Variants in SHC1 observed in about 807,000 individuals in gnomAD.
SHC1 encodes the protein SHC-transforming protein 1.
A neutral mutation model predicts 55.9 loss-of-function variants in SHC1; 30 were observed. That is an observed-to-expected ratio of 0.54 (90% CI 0.40 to 0.73). SHC1 has a LOEUF of 0.73. Among genes scored for constraint, SHC1 ranks in the 30% least tolerant of loss-of-function variants. The pLI, the probability that SHC1 is intolerant of heterozygous loss-of-function variation, is 0.00. For synonymous variants in SHC1, 309 were observed against 306.1 expected, an observed-to-expected ratio of 1.01 and a Z score of -0.10; for missense variants, 675 against 777.1, an observed-to-expected ratio of 0.87 and a Z score of 1.56.
In SHC1 at chr1:154,968,011, G is replaced by A; in HGVS notation, c.825C>T (p.Ala275=). The change falls in exon 6 of 12, where the codon GCC becomes GCT. Residue 275 remains alanine (A), a synonymous_variant. Coordinates refer to ENST00000448116, the MANE Select transcript of SHC1 (RefSeq NM_001130040.2). ...GATTCACAGGGTCTTTGGCAACATA[G>A]GCGACATACTCGGCTGTGTCCTGGG... The part of the protein sequence containing the change: ...GGDPDTAEYV[A]YVAKDPVNQR... The A allele has an allele frequency of 6.2e-7, 1 of 1,614,162 alleles. No homozygotes were observed. Among genetic ancestry groups the A allele is most frequent in the Non-Finnish European group, 8.5e-7 (1 of 1,180,010 alleles).
At chr1:154,964,514 GTC>G in intron 11 of SHC1, 2 of 355,344 alleles carry the variant, frequency 5.6e-6, no homozygotes, top group Non-Finnish European at 1.1e-5. Flanking sequence ...TCCAGACAGG[GTC>G]TCTGTCACCC....
chr1:154,968,886 C>G (rs1286037095), intron 2 of SHC1, 52 bp from the exon 3 acceptor site: 1 of 1,532,008 alleles, frequency 6.5e-7, no homozygotes, highest in Admixed American at 1.7e-5. Context: ...GCCTCCCACT[C>G]AACTGGGGCT....
chr1:154,964,102 A>C (rs1448340513), intron 11 of SHC1, 171 bp from the exon 12 acceptor site: 2 of 785,846 alleles, frequency 2.5e-6, no homozygotes, highest in African/African-American at 1.7e-5. Flanking sequence ...AGAAAGAGAC[A>C]GTTGTAGGAA....
Position 154,970,223 on chromosome 1 carries a change from A to G in SHC1, c.304T>C (p.Ser102Pro). The G allele has an allele frequency of 6.2e-7, 1 of 1,613,450 alleles. No individual in the cohort carries two copies. The highest frequency in any genetic ancestry group is 8.5e-7 in the Non-Finnish European group (1 of 1,179,744). ...EGIVGAAMPD[S>P]GPLPLLQDMN... ...TCCTGGAGGAGGGGTAGGGGGCCTGAGTCTGGCATGGCTGCCCCTACGATC... is the reference window on the plus strand; with the variant it reads ...TCCTGGAGGAGGGGTAGGGGGCCTGGGTCTGGCATGGCTGCCCCTACGATC... The change falls in exon 1 of 12, where the codon TCA becomes CCA. Residue 102 changes from serine to proline, a missense_variant. Physicochemically the swap from Ser to Pro is moderately conservative, Grantham distance 74 (BLOSUM62 -1). Coordinates refer to ENST00000448116, the MANE Select transcript of SHC1 (RefSeq NM_001130040.2). The surrounding 1 kb of genome is among the most constrained non-coding windows in gnomAD (Gnocchi z 5.5).
intron 2 of SHC1, 185 bp from the exon 3 acceptor site, chr1:154,969,019 G>A (rs1656391914): frequency 3.2e-6 from 2 of 630,796 alleles, no homozygotes; most frequent in South Asian, 3.7e-5. Flanking sequence ...CTTCCTGGCT[G>A]ATTGGGTTAG....
At position 154,966,305 on chromosome 1, in the gene SHC1, T is replaced by A; in HGVS notation, c.1182+14A>T. 6.2e-7 allele frequency: 1 copy of A among 1,612,948 alleles called. No homozygotes were observed. The highest frequency in any genetic ancestry group is 8.5e-7 in the Non-Finnish European group (1 of 1,179,076). On this transcript the variant is annotated intron_variant, in intron 8 of 11. Coordinates refer to ENST00000448116, the MANE Select transcript of SHC1 (RefSeq NM_001130040.2). ...CCACCCTAGCCCCAGCCCGCCTCCA[T>A]CCAAGCAACTTACCAATGTAGCTCC...
chr1:154,967,651 C>T lies in SHC1; in HGVS notation c.983+20G>A. 4 of 1,612,502 alleles carry T rather than the reference C, an allele frequency of 2.5e-6. No homozygotes were observed. The highest frequency in any genetic ancestry group is 3.4e-6 in the Non-Finnish European group (4 of 1,179,036). On this transcript the variant is annotated intron_variant, in intron 7 of 11. Transcript: ENST00000448116. ...TAATCCTAATCCAAGAGCTGCTCCA[C>T]ACTCTCCCCACCTGCTCACCTGTCA...
chr1:154,970,248 C>A lies in SHC1; in HGVS notation c.279G>T (p.Gly93=). The change falls in exon 1 of 12, where the codon GGG becomes GGT. Residue 93 remains glycine, a synonymous_variant. Transcript: ENST00000448116. The surrounding 1 kb of genome is among the most constrained non-coding windows in gnomAD (Gnocchi z 5.5). ...EPGRAADDGE[G]IVGAAMPDSG... ...AGTCTGGCATGGCTGCCCCTACGATCCCCTCCCCATCATCAGCTGCCCTTC... is the reference window on the plus strand; with the variant it reads ...AGTCTGGCATGGCTGCCCCTACGATACCCTCCCCATCATCAGCTGCCCTTC... 1 of 1,611,956 alleles carries A rather than the reference C, an allele frequency of 6.2e-7. No individual in the cohort carries two copies.
In SHC1 at chr1:154,965,613, C is replaced by T; in HGVS notation, c.1556G>A (p.Gly519Asp). ...FLVRESTTTP[G>D]QYVLTGLQSG... ...CTGCAAGCCAGTGAGCACATACTGGCCAGGTGTGGTCGTGCTCTCCCGTAC... is the reference window on the plus strand; with the variant it reads ...CTGCAAGCCAGTGAGCACATACTGGTCAGGTGTGGTCGTGCTCTCCCGTAC... The change falls in exon 11 of 12, where the codon GGC (glycine) becomes GAC (aspartate). Residue 519 changes from glycine to aspartate, a missense_variant. Physicochemically the swap from Gly to Asp is moderately conservative, Grantham distance 94. Transcript: ENST00000448116. The T allele has an allele frequency of 2.5e-6, 4 of 1,614,180 alleles. No homozygotes were observed. In the South Asian group the frequency reaches 3.3e-5, roughly 13 times the overall value.
intron 1 of SHC1, 131 bp downstream of exon 1, chr1:154,969,901 G>A (rs551588315): frequency 9.6e-7 from 1 of 1,041,212 alleles, no homozygotes; most frequent in Non-Finnish European, 1.4e-6. Flanking sequence ...GGATGAGAAA[G>A]GTTTAGGAAA....
intron 1 of SHC1, among the ~76,000 whole-genome samples, 161 bp downstream of exon 1, chr1:154,969,871 G>A (rs565612843): frequency 6.6e-6 from 1 of 152,032 alleles, no homozygotes; most frequent in South Asian, 2.1e-4. Flanking sequence ...GGAAGGGAAG[G>A]GGCTACAGAA....
At chr1:154,971,544 G>C (rs1307679952), upstream of SHC1, among the ~76,000 whole-genome samples, 2 of 152,126 alleles carry the variant, frequency 1.3e-5, no homozygotes, top group Non-Finnish European at 2.9e-5. Context: ...CACAGGGCTT[G>C]TTAACACAGC....
At position 154,966,513 on chromosome 1, in the gene SHC1, C is replaced by A; in HGVS notation, c.988G>T (p.Ala330Ser). Residue 330 changes from alanine (A) to serine (S), a missense_variant, in exon 8 of 12, where the codon GCT becomes TCT. By Grantham distance (99) the Ala-to-Ser change is moderately conservative. Around this residue, in one of 3 missense-constraint regions of SHC1, gnomAD observed 360 missense variants for 371.1 expected, o/e 0.97. Transcript: ENST00000448116. ...PKLVTPHDRM[A>S]GFDGSAWDEE... ...TCCCATGCTGAGCCATCAAAGCCAG[C>A]CATCCTGAGGGACAGGACAGTGAAG... 2 of 1,585,940 alleles carry A rather than the reference C, an allele frequency of 1.3e-6. No homozygotes were observed. The highest frequency in any genetic ancestry group is 1.2e-5 in the South Asian group (1 of 86,546).
chr1:154,963,828 T>C lies in SHC1; in HGVS notation c.1730A>G (p.Gln577Arg). 6.2e-7 allele frequency: 1 copy of C among 1,614,122 alleles called. No individual in the cohort carries two copies. Among genetic ancestry groups the C allele is most frequent in the Non-Finnish European group, 8.5e-7 (1 of 1,180,030 alleles). ...IISAGSELCLQQPVERKL is the reference protein window; with the variant it reads ...IISAGSELCLRQPVERKL ...TCACAGTTTCCGCTCCACAGGTTGC[T>C]GTAGACACAGTTCGCTGCCCGCAGA... The change falls in exon 12 of 12, where the codon CAG (glutamine) becomes CGG (arginine). Residue 577 changes from glutamine to arginine, a missense_variant. Physicochemically the swap from Gln to Arg is conservative, Grantham distance 43. Transcript: ENST00000448116.
At chr1:154,969,225 G>C (rs1373786214) in intron 2 of SHC1, among the ~76,000 whole-genome samples, 153 bp downstream of exon 2, 1 of 152,178 alleles carries the variant, frequency 6.6e-6, no homozygotes, top group African/African-American at 2.4e-5. Flanking sequence ...CTTTCAGTAA[G>C]AGGCGGAATC....
chr1:154,973,868 A>G (rs912056745), upstream of SHC1, among the ~76,000 whole-genome samples: 2 of 152,176 alleles, frequency 1.3e-5, no homozygotes, highest in Non-Finnish European at 2.9e-5. Context: ...CGGAGCTTCA[A>G]CAAATTCGAA....
chr1:154,968,238 A>T lies in SHC1; in HGVS notation c.770T>A (p.Met257Lys). The change falls in exon 5 of 12, where the codon ATG (methionine) becomes AAG (lysine). Residue 257 changes from methionine to lysine, a missense_variant. By Grantham distance (95) the Met-to-Lys change is moderately conservative. Coordinates refer to ENST00000448116, the MANE Select transcript of SHC1 (RefSeq NM_001130040.2). The stretch of plus-strand genomic sequence containing the variant: ...GCCGGATGCAAATGAGATAGATTGC[A>T]TGTGGTGGTTGGCGATGATCTGAGA... ...DCKQIIANHH[M>K]QSISFASGGD... 1 of 1,614,112 alleles carries T rather than the reference A, an allele frequency of 6.2e-7. No individual in the cohort carries two copies. The highest frequency in any genetic ancestry group is 8.5e-7 in the Non-Finnish European group (1 of 1,180,012).
At chr1:154,964,880 C>A (rs1655742016) in intron 11 of SHC1, among the ~76,000 whole-genome samples, 1 of 152,244 alleles carries the variant, frequency 6.6e-6, no homozygotes, top group Non-Finnish European at 1.5e-5. Context: ...CAAAAGGAAA[C>A]TTGCAGTGTC....
intron 7 of SHC1, among the ~76,000 whole-genome samples, chr1:154,967,225 C>T (rs1182091985): frequency 1.3e-5 from 2 of 152,134 alleles, no homozygotes; most frequent in Non-Finnish European, 2.9e-5. Flanking sequence ...TTTAACCTCT[C>T]CTAAATATTC....
Sources: allele counts gnomAD v4.1 joint callset (sites outside exome capture counted in the v4.1 genomes callset), GRCh38; gene constraint gnomAD v4.1.1; regional missense constraint gnomAD v4.1.1; non-coding constraint Gnocchi (gnomAD v3.1); transcripts MANE v1.5; gene names NCBI Gene and HGNC (gene_info 2026-07-23, HGNC 2026-07-21).